The following SGCZ variants were observed in gnomAD, a reference collection of about 807,000 sequenced individuals.
The protein encoded by SGCZ is zeta-sarcoglycan.
In SGCZ, 40 loss-of-function variants were observed where a neutral mutation model predicts 41.3. That is an observed-to-expected ratio of 0.97 (90% CI 0.75 to 1.26). The LOEUF (loss-of-function observed/expected upper bound fraction) is 1.26. Among genes scored for constraint, SGCZ ranks in the 50% most tolerant of loss-of-function variants. The probability of loss-of-function intolerance (pLI) is 0.00; values close to 1 mark genes in which losing one functional copy is unlikely to be tolerated. For missense variants in SGCZ, 552 were observed against 369.8 expected (o/e 1.49, Z -4.04); for synonymous variants, 206 against 137.5 (o/e 1.50, Z -3.49).
chr8:15,129,091 G>T (rs1426170702), intron 1 of SGCZ, among the ~76,000 whole-genome samples: 1 of 152,086 alleles, frequency 6.6e-6, no homozygotes, highest in Non-Finnish European at 1.5e-5. Flanking sequence ...CACCACTCTT[G>T]TAATAATCCT....
chr8:14,201,697 G>A (rs1174513026), intron 4 of SGCZ, among the ~76,000 whole-genome samples: 1 of 152,118 alleles, frequency 6.6e-6, no homozygotes, highest in Non-Finnish European at 1.5e-5. Context: ...GATTGTGGTT[G>A]TAGTTATTTG....
chr8:14,977,693 A>G (rs80040653), intron 1 of SGCZ, among the ~76,000 whole-genome samples: 3,299 of 152,218 alleles, frequency 0.022, 135 homozygotes, highest in African/African-American at 0.075. Flanking sequence ...CAAAGTTTTG[A>G]GAAAAGTTCA....
intron 2 of SGCZ, among the ~76,000 whole-genome samples, chr8:14,403,364 T>C (rs991834242): frequency 2.6e-5 from 4 of 151,106 alleles, no homozygotes. Context: ...CCCTGTCTTG[T>C]GCCACTTTTC....
chr8:15,120,708 T>A (rs1807446864), intron 1 of SGCZ, among the ~76,000 whole-genome samples: 1 of 152,174 alleles, frequency 6.6e-6, no homozygotes, highest in African/African-American at 2.4e-5. Flanking sequence ...CTGCTTTTGG[T>A]CTACTTCACA....
At chr8:14,632,123 A>G (rs1202806137) in intron 1 of SGCZ, among the ~76,000 whole-genome samples, 2 of 152,128 alleles carry the variant, frequency 1.3e-5, no homozygotes, top group East Asian at 3.9e-4. Context: ...GGCTTAAATG[A>G]TCCTCCCACC....
chr8:14,847,382 T>A (rs565062446), intron 1 of SGCZ, among the ~76,000 whole-genome samples: 28 of 152,090 alleles, frequency 1.8e-4, no homozygotes, highest in African/African-American at 6.5e-4. Flanking sequence ...TTCATTTTAG[T>A]AAATTCAGTC....
intron 2 of SGCZ, among the ~76,000 whole-genome samples, chr8:14,400,759 T>C (rs1551814): frequency 0.14 from 18,813 of 133,918 alleles, 1,781 homozygotes; most frequent in African/African-American, 0.32. Flanking sequence ...TAATCAATAG[T>C]ATTTTTTTTT....
chr8:14,691,113 T>C (rs746208728), intron 1 of SGCZ, among the ~76,000 whole-genome samples: 8 of 152,188 alleles, frequency 5.3e-5, no homozygotes, highest in Non-Finnish European at 7.4e-5. Context: ...TTATTGTCTG[T>C]CTCTCCACTT....
At chr8:14,309,039 C>T in intron 3 of SGCZ, 2 of 1,276,530 alleles carry the variant, frequency 1.6e-6, no homozygotes, top group Non-Finnish European at 2.2e-6. Context: ...AAACCGGAAG[C>T]CTCCCCTACT....
intron 1 of SGCZ, among the ~76,000 whole-genome samples, chr8:15,084,116 C>T (rs1805862522): frequency 6.6e-6 from 1 of 152,106 alleles, no homozygotes; most frequent in Non-Finnish European, 1.5e-5. Context: ...CGTGGTAAAT[C>T]TCCAAACAAG....
At chr8:14,374,117 C>T (rs1391929312) in intron 2 of SGCZ, among the ~76,000 whole-genome samples, 2 of 152,178 alleles carry the variant, frequency 1.3e-5, no homozygotes, top group Non-Finnish European at 2.9e-5. Flanking sequence ...ATGGCTCACA[C>T]CTATAATCCC....
chr8:14,632,316 C>T (rs2117401245), intron 1 of SGCZ, among the ~76,000 whole-genome samples: 1 of 152,106 alleles, frequency 6.6e-6, no homozygotes, highest in South Asian at 2.1e-4. Flanking sequence ...AGCCACCATG[C>T]CCAGACAGTG....
At chr8:14,420,508 C>CAA (rs1223464265) in intron 2 of SGCZ, among the ~76,000 whole-genome samples, 7 of 151,980 alleles carry the variant, frequency 4.6e-5, no homozygotes, top group African/African-American at 1.7e-4. Flanking sequence ...TGCTCAGGTG[C>CAA]TCTAACATTT....
chr8:14,984,080 C>A (rs1475281587), intron 1 of SGCZ, among the ~76,000 whole-genome samples: 2 of 152,090 alleles, frequency 1.3e-5, no homozygotes, highest in African/African-American at 4.8e-5. Flanking sequence ...TGAAAGACAT[C>A]TTTACTCTTT....
chr8:14,876,130 T>A (rs1304043507), intron 1 of SGCZ, among the ~76,000 whole-genome samples: 2 of 152,100 alleles, frequency 1.3e-5, no homozygotes, highest in Non-Finnish European at 2.9e-5. Flanking sequence ...AATAGAGAGA[T>A]CGGACTGCCT....
intron 1 of SGCZ, among the ~76,000 whole-genome samples, chr8:14,847,200 T>G (rs998765872): frequency 2.8e-5 from 4 of 143,760 alleles, no homozygotes; most frequent in African/African-American, 5.0e-5. Context: ...AAAATACCAA[T>G]TCTACAAAAA....
chr8:15,202,052 T>C (rs1800908164), intron 1 of SGCZ, among the ~76,000 whole-genome samples: 1 of 152,232 alleles, frequency 6.6e-6, no homozygotes. Flanking sequence ...CTGATTCTAT[T>C]GTTGTCCACA....
chr8:14,430,874 A>C (rs968896716), intron 2 of SGCZ, among the ~76,000 whole-genome samples: 2 of 152,200 alleles, frequency 1.3e-5, no homozygotes, highest in East Asian at 1.9e-4. Flanking sequence ...AATGTACACA[A>C]ATCAGTAGCT....
intron 1 of SGCZ, among the ~76,000 whole-genome samples, chr8:14,954,801 A>G (rs1585409642): frequency 6.6e-6 from 1 of 152,178 alleles, no homozygotes; most frequent in African/African-American, 2.4e-5. Context: ...GATACACTGA[A>G]GCAAAGGACC....
Sources: allele counts gnomAD v4.1 joint callset (sites outside exome capture counted in the v4.1 genomes callset), GRCh38; gene constraint gnomAD v4.1.1; transcripts MANE v1.5; gene names NCBI Gene and HGNC (gene_info 2026-07-23, HGNC 2026-07-21).